The following CASD1 variants were observed in gnomAD, a reference collection of about 807,000 sequenced individuals.
CASD1 encodes CAS1 domain sialic acid O acetyltransferase 1.
CASD1 carries 41 observed loss-of-function variants against 100.0 expected under a neutral mutation model. The ratio of observed to expected loss-of-function variants is 0.41; its 90% confidence interval spans 0.32 to 0.53. The LOEUF (loss-of-function observed/expected upper bound fraction) is 0.53, where lower values mean the gene tolerates loss of function less well. Among genes scored for constraint, CASD1 ranks in the 20% least tolerant of loss-of-function variants. The pLI is 0.25. For synonymous variants in CASD1, 321 were observed against 315.6 expected (o/e 1.02, Z -0.18); for missense variants, 774 against 948.7 (o/e 0.82, Z 2.42).
At chr7:94,548,814 T>G (rs1795807148) in intron 13 of CASD1, among the ~76,000 whole-genome samples, 1 of 151,768 alleles carries the variant, frequency 6.6e-6, no homozygotes, top group African/African-American at 2.4e-5. Flanking sequence ...AAATTGAGGG[T>G]TTTGTTCTCT....
At chr7:94,538,021 A>G in intron 9 of CASD1, 127 bp downstream of exon 9, 1 of 627,156 alleles carries the variant, frequency 1.6e-6, no homozygotes, top group Non-Finnish European at 2.7e-6. Flanking sequence ...ATGAAGGAAG[A>G]TTGTAGTTAC....
chr7:94,624,209 C>T, the CASD1 span: 1 of 395,292 alleles, frequency 2.5e-6, no homozygotes, highest in African/African-American at 2.1e-5. Context: ...CTTAGAATCC[C>T]AGCACTAACC....
the CASD1 span, among the ~76,000 whole-genome samples, chr7:94,579,333 T>G: frequency 7.2e-5 from 11 of 151,866 alleles, no homozygotes. Flanking sequence ...GACTCCCAAA[T>G]TAAGGTAATA....
the CASD1 span, chr7:94,618,798 C>A: frequency 6.2e-7 from 1 of 1,614,008 alleles, no homozygotes; most frequent in Non-Finnish European, 8.5e-7. Context: ...ACCCTGCCAC[C>A]CCTGTCTAGG....
intron 1 of CASD1, among the ~76,000 whole-genome samples, chr7:94,512,041 A>G (rs1019218268): frequency 1.3e-5 from 2 of 152,206 alleles, no homozygotes; most frequent in Non-Finnish European, 2.9e-5. Context: ...AGACTGGGAA[A>G]AATAAACATC....
At chr7:94,625,052 T>C in the CASD1 span, 10 of 152,050 alleles carry the variant, frequency 6.6e-5, no homozygotes, top group African/African-American at 2.4e-4. Context: ...ATTTTACTTA[T>C]TATGATGATG....
chr7:94,565,205 A>G, the CASD1 span, among the ~76,000 whole-genome samples: 10 of 151,896 alleles, frequency 6.6e-5, no homozygotes. Context: ...GGCCTCTATT[A>G]TTTTGGGGCC....
the CASD1 span, among the ~76,000 whole-genome samples, chr7:94,582,425 C>CT: frequency 6.6e-6 from 1 of 152,126 alleles, no homozygotes; most frequent in Non-Finnish European, 1.5e-5. Flanking sequence ...ACCTGGCCAG[C>CT]TTTTTTTCAT....
intron 5 of CASD1, among the ~76,000 whole-genome samples, chr7:94,531,565 A>G (rs1483852172): frequency 6.6e-6 from 1 of 152,162 alleles, no homozygotes; most frequent in Non-Finnish European, 1.5e-5. Flanking sequence ...AGGAAAAAAT[A>G]TTTAAAATTT....
chr7:94,626,083 C>G, the CASD1 span: 2 of 152,056 alleles, frequency 1.3e-5, no homozygotes, highest in Non-Finnish European at 2.9e-5. Context: ...CCCATAAGAG[C>G]AAGCTACTTA....
the CASD1 span, among the ~76,000 whole-genome samples, chr7:94,576,821 T>C: frequency 6.6e-6 from 1 of 152,308 alleles, no homozygotes; most frequent in South Asian, 2.1e-4. Context: ...AACTGTGATA[T>C]ATCCTTTTGC....
the CASD1 span, chr7:94,587,745 T>C: frequency 4.6e-6 from 7 of 1,534,206 alleles, 1 homozygote; most frequent in Non-Finnish European, 6.1e-6. Context: ...CATCTTGTAA[T>C]TGAAATCTGA....
Position 94,528,395 on chromosome 7 carries a change from A to G in CASD1, c.459+145A>G, listed in dbSNP as rs183579226. 1,725 of 526,244 alleles carry G rather than the reference A, an allele frequency of 3.3e-3. 12 individuals carry two copies. The highest frequency in any genetic ancestry group is 4.1e-3 in the Admixed American group (112 of 27,012). The allele number at this position is 526,244 out of a possible 1,614,324, so 32.6% of individuals were successfully genotyped here. A position where few individuals can be genotyped will look rare whatever the true frequency, so the allele number is the denominator to read the frequency against. The stretch of plus-strand genomic sequence containing the variant: ...ATAGCAACTAAACTGTGCTGGACTG[A>G]TTCTAGCACTTCATTGAGAAGAGAA... On this transcript the variant is annotated intron_variant, in intron 5 of 17. Coordinates refer to ENST00000297273, the MANE Select transcript of CASD1 (RefSeq NM_022900.5).
At chr7:94,587,795 T>G in the CASD1 span, 2 of 1,549,174 alleles carry the variant, frequency 1.3e-6, no homozygotes, top group Non-Finnish European at 1.7e-6. Flanking sequence ...CTTTGAAAAG[T>G]TGTCAAACGA....
chr7:94,592,919 C>G, the CASD1 span, among the ~76,000 whole-genome samples: 1 of 152,104 alleles, frequency 6.6e-6, no homozygotes, highest in East Asian at 1.9e-4. Context: ...ATGGTGACAT[C>G]ATTTAACAAT....
At chr7:94,600,427 A>G in the CASD1 span, 3 of 512,114 alleles carry the variant, frequency 5.9e-6, no homozygotes, top group African/African-American at 5.8e-5. Context: ...TCTAGCCTTA[A>G]TAATTTTTGA....
At chr7:94,632,735 CT>C in the CASD1 span, among the ~76,000 whole-genome samples, 1 of 152,076 alleles carries the variant, frequency 6.6e-6, no homozygotes, top group Non-Finnish European at 1.5e-5. Context: ...GCATTTGTTA[CT>C]TGCAAAACAA....
At chr7:94,583,994 A>G in the CASD1 span, among the ~76,000 whole-genome samples, 1 of 152,232 alleles carries the variant, frequency 6.6e-6, no homozygotes, top group East Asian at 1.9e-4. Context: ...TTCACGGGGA[A>G]CTGCAGCGAT....
At position 94,554,663 on chromosome 7, in the gene CASD1, T is replaced by C. The variant is rs147436848; in HGVS notation, c.2127+88T>C. 2.5e-4 allele frequency: 182 copies of C among 730,396 alleles called. 1 individual carries two copies. Among genetic ancestry groups the C allele is most frequent in the African/African-American group, 2.3e-3 (129 of 56,842 alleles). 45.2% of individuals were successfully genotyped at this position (730,396 alleles called of 1,614,324 possible). On this transcript the variant is annotated intron_variant, in intron 17 of 17. Coordinates refer to ENST00000297273, the MANE Select transcript of CASD1 (RefSeq NM_022900.5). ...TGTGTGTGTGTAAATATCACACATA[T>C]ATGTGAGTATGAAAATCGGACGTAC...
Sources: allele counts gnomAD v4.1 joint callset (sites outside exome capture counted in the v4.1 genomes callset), GRCh38; gene constraint gnomAD v4.1.1; transcripts MANE v1.5; gene names NCBI Gene and HGNC (gene_info 2026-07-23, HGNC 2026-07-21).